The following ARL13B variants were observed in gnomAD, a reference collection of about 807,000 sequenced individuals.
The protein encoded by ARL13B is ADP-ribosylation factor-like protein 13B.
In ARL13B, 36 loss-of-function variants were observed where a neutral mutation model predicts 56.1. That is an observed-to-expected ratio of 0.64 (90% CI 0.49 to 0.85). The LOEUF is 0.85. Among genes scored for constraint, ARL13B ranks in the 40% least tolerant of loss-of-function variants. The probability of loss-of-function intolerance (pLI) is 0.00; values close to 1 mark genes in which losing one functional copy is unlikely to be tolerated. For missense variants in ARL13B, 519 were observed against 507.1 expected, an observed-to-expected ratio of 1.02 and a Z score of -0.23; for synonymous variants, 178 against 171.1, an observed-to-expected ratio of 1.04 and a Z score of -0.32.
intron 7 of ARL13B, among the ~76,000 whole-genome samples, chr3:94,044,779 GT>G (rs1475981340): frequency 6.7e-6 from 1 of 148,332 alleles, no homozygotes; most frequent in African/African-American, 2.5e-5. Context: ...CGAATGGGAA[GT>G]GAGGAGCGCC....
At chr3:94,043,658 C>CCTTT (rs759615578) in intron 7 of ARL13B, among the ~76,000 whole-genome samples, 5 of 9,074 alleles carry the variant, frequency 5.5e-4, no homozygotes, top group East Asian at 4.2e-3. Flanking sequence ...TCCCCCCTCC[C>CCTTT]CTTTCTTTCT....
chr3:94,041,803 G>C (rs573908639), intron 6 of ARL13B, among the ~76,000 whole-genome samples: 1 of 152,120 alleles, frequency 6.6e-6, no homozygotes, highest in African/African-American at 2.4e-5. Context: ...GGCCAGGCAC[G>C]GTGGCTCACG....
At chr3:94,025,447 A>G (rs2076536369) in intron 3 of ARL13B, among the ~76,000 whole-genome samples, 1 of 152,184 alleles carries the variant, frequency 6.6e-6, no homozygotes, top group East Asian at 1.9e-4. Flanking sequence ...TTTCTTTTGA[A>G]CATTTAGAGA....
At chr3:94,036,230 T>G (rs937805179) in intron 4 of ARL13B, among the ~76,000 whole-genome samples, 1 of 152,242 alleles carries the variant, frequency 6.6e-6, no homozygotes, top group East Asian at 1.9e-4. Context: ...TATAAGGAAT[T>G]AAAACTTCCT....
chr3:94,046,548 C>A (rs796615417), intron 7 of ARL13B, among the ~76,000 whole-genome samples: 14 of 152,118 alleles, frequency 9.2e-5, no homozygotes, highest in African/African-American at 3.4e-4. Flanking sequence ...TCCATCATAT[C>A]CATGTACCGT....
intron 5 of ARL13B, among the ~76,000 whole-genome samples, chr3:94,038,897 G>C (rs187215671): frequency 6.6e-6 from 1 of 152,250 alleles, no homozygotes; most frequent in Non-Finnish European, 1.5e-5. Flanking sequence ...TAAATGTTCA[G>C]TGGTAACTAA....
chr3:94,019,580 T>G (rs1433666881), intron 3 of ARL13B, among the ~76,000 whole-genome samples: 1 of 145,582 alleles, frequency 6.9e-6, no homozygotes, highest in Non-Finnish European at 1.5e-5. Flanking sequence ...CTACCCCCCA[T>G]CCTGCCCCCA....
intron 7 of ARL13B, among the ~76,000 whole-genome samples, chr3:94,045,968 GAA>G (rs369419536): frequency 1.6e-5 from 2 of 124,906 alleles, no homozygotes; most frequent in African/African-American, 5.9e-5. Context: ...AAAAAAAAAA[GAA>G]AAAAAAAAGA....
chr3:94,016,551 A>T (rs967343001), intron 3 of ARL13B, among the ~76,000 whole-genome samples: 1 of 152,166 alleles, frequency 6.6e-6, no homozygotes, highest in Non-Finnish European at 1.5e-5. Context: ...TATTTCATCT[A>T]GCTATAAGAA....
At chr3:94,007,570 A>G (rs1368841956) in intron 3 of ARL13B, among the ~76,000 whole-genome samples, 1 of 152,216 alleles carries the variant, frequency 6.6e-6, no homozygotes, top group African/African-American at 2.4e-5. Context: ...AGAGAAAATG[A>G]GGAAGATGCA....
chr3:94,050,585 G>T (rs2077051945), intron 8 of ARL13B, among the ~76,000 whole-genome samples: 1 of 152,158 alleles, frequency 6.6e-6, no homozygotes, highest in African/African-American at 2.4e-5. Flanking sequence ...AGTGGTGAAG[G>T]TGCTTATAGT....
chr3:94,039,497 C>G (rs1214651423), intron 5 of ARL13B, among the ~76,000 whole-genome samples: 2 of 78,408 alleles, frequency 2.6e-5, no homozygotes, highest in Non-Finnish European at 4.0e-5. Context: ...AAGACTCCGA[C>G]TCAAAAAAAA....
Position 94,031,636 on chromosome 3 carries a change from A to G in ARL13B, c.381-3695A>G, listed in dbSNP as rs544512523. The stretch of plus-strand genomic sequence containing the variant: ...CATCAAATACATTTTTAAATCCATA[A>G]GTTCATAATGATGCCTCTCAAAATA... On this transcript the variant is annotated intron_variant, in intron 3 of 9. Transcript: ENST00000394222. Among the ~76,000 whole-genome samples the G allele has an allele frequency of 3.3e-5, 5 of 152,330 alleles. No homozygotes were observed. In the South Asian group the frequency reaches 1.0e-3, roughly 32 times the overall value.
At chr3:94,019,681 G>C (rs576837884) in intron 3 of ARL13B, among the ~76,000 whole-genome samples, 6 of 150,186 alleles carry the variant, frequency 4.0e-5, no homozygotes, top group African/African-American at 1.5e-4. Flanking sequence ...TCCTCCTTTG[G>C]CATTATCTCT....
intron 3 of ARL13B, chr3:94,028,445 C>G (rs566287861): frequency 6.6e-6 from 1 of 152,240 alleles, no homozygotes; most frequent in Non-Finnish European, 1.5e-5. Context: ...TGAATATCAT[C>G]TCATGTTTTG....
At chr3:94,045,495 AG>A (rs1231487986) in intron 7 of ARL13B, among the ~76,000 whole-genome samples, 4 of 151,920 alleles carry the variant, frequency 2.6e-5, no homozygotes, top group African/African-American at 9.7e-5. Flanking sequence ...AAAATGCCAG[AG>A]CCCCCAACTG....
At chr3:94,002,777 A>G (rs1405030243) in intron 2 of ARL13B, among the ~76,000 whole-genome samples, 6 of 152,198 alleles carry the variant, frequency 3.9e-5, no homozygotes, top group African/African-American at 9.7e-5. Flanking sequence ...GATATTTTCA[A>G]TAATTCCTTG....
At chr3:94,037,380 C>G (rs2076786786) in intron 5 of ARL13B, among the ~76,000 whole-genome samples, 1 of 152,178 alleles carries the variant, frequency 6.6e-6, no homozygotes, top group Non-Finnish European at 1.5e-5. Context: ...CAAGAACTCA[C>G]TACCCTTGGT....
At chr3:94,011,137 A>T (rs1474121670) in intron 3 of ARL13B, among the ~76,000 whole-genome samples, 1 of 152,098 alleles carries the variant, frequency 6.6e-6, no homozygotes, top group African/African-American at 2.4e-5. Context: ...ATTATTTTGT[A>T]TTGTTTATGA....
Sources: allele counts gnomAD v4.1 joint callset (sites outside exome capture counted in the v4.1 genomes callset), GRCh38; gene constraint gnomAD v4.1.1; transcripts MANE v1.5; gene names NCBI Gene and HGNC (gene_info 2026-07-23, HGNC 2026-07-21).